Variants in CERS6 observed in about 807,000 individuals in gnomAD.
The protein encoded by CERS6 is LAG1 homolog, ceramide synthase 6.
Under a neutral mutation model 56.8 loss-of-function variants are expected in CERS6, and 26 were observed. That is an observed-to-expected ratio of 0.46 (90% CI 0.34 to 0.63). The LOEUF is 0.63. Among genes scored for constraint, CERS6 ranks in the 30% least tolerant of loss-of-function variants. The pLI is 0.01. For missense variants in CERS6, 415 were observed against 467.5 expected (o/e 0.89, Z 1.04); for synonymous variants, 164 against 173.3 (o/e 0.95, Z 0.42).
intron 4 of CERS6, among the ~76,000 whole-genome samples, chr2:168,645,815 T>C (rs1266782441): frequency 6.6e-6 from 1 of 152,168 alleles, no homozygotes; most frequent in Non-Finnish European, 1.5e-5. Context: ...TCTGTGTTAG[T>C]TTGCTAAAGA....
At chr2:168,567,526 G>A (rs1695904997) in intron 3 of CERS6, among the ~76,000 whole-genome samples, 1 of 152,172 alleles carries the variant, frequency 6.6e-6, no homozygotes, top group African/African-American at 2.4e-5. Context: ...ATTTTCATGT[G>A]TTGTAAAGTA....
chr2:168,506,250 T>C (rs1384768939), intron 1 of CERS6, among the ~76,000 whole-genome samples: 1 of 152,202 alleles, frequency 6.6e-6, no homozygotes, highest in Non-Finnish European at 1.5e-5. Context: ...TGACAGTTTT[T>C]TTTCAAATCA....
intron 1 of CERS6, among the ~76,000 whole-genome samples, chr2:168,487,468 G>C (rs534793058): frequency 1.8e-3 from 267 of 152,286 alleles, no homozygotes; most frequent in Middle Eastern, 0.017. Context: ...CATCTGTCAG[G>C]TATAACCCCC....
chr2:168,695,078 T>C (rs1361633462), intron 6 of CERS6, 27 bp downstream of exon 6: 1 of 1,574,064 alleles, frequency 6.4e-7, no homozygotes, highest in Non-Finnish European at 8.7e-7. Flanking sequence ...CGTAAAGTGC[T>C]TGCAAGCATG....
chr2:168,527,969 C>T (rs1434277701), intron 1 of CERS6, among the ~76,000 whole-genome samples: 2 of 152,018 alleles, frequency 1.3e-5, no homozygotes, highest in Non-Finnish European at 2.9e-5. Flanking sequence ...GATCTGCCCA[C>T]CTAGACCTTC....
At chr2:168,665,696 G>T (rs112754674) in intron 4 of CERS6, among the ~76,000 whole-genome samples, 1 of 147,158 alleles carries the variant, frequency 6.8e-6, no homozygotes, top group Non-Finnish European at 1.5e-5. Flanking sequence ...ATCTTTACAT[G>T]TTCACTGCTG....
chr2:168,526,882 A>G (rs1354003163), intron 1 of CERS6, among the ~76,000 whole-genome samples: 1 of 152,242 alleles, frequency 6.6e-6, no homozygotes, highest in Non-Finnish European at 1.5e-5. Context: ...AGCCTGTGCT[A>G]TAAAAAGCAA....
At chr2:168,678,147 C>CT in intron 4 of CERS6, among the ~76,000 whole-genome samples, 1 of 152,298 alleles carries the variant, frequency 6.6e-6, no homozygotes, top group Middle Eastern at 3.4e-3. Context: ...AGCACCATTG[C>CT]TTTTTTACCA....
chr2:168,656,559 C>T (rs199715239), intron 4 of CERS6, among the ~76,000 whole-genome samples: 5 of 151,468 alleles, frequency 3.3e-5, no homozygotes, highest in East Asian at 1.9e-4. Flanking sequence ...CTTAAGGTAG[C>T]GCGTCTGGAG....
chr2:168,606,332 A>G (rs553069865), intron 3 of CERS6: 1 of 152,342 alleles, frequency 6.6e-6, no homozygotes, highest in South Asian at 2.1e-4. Flanking sequence ...TATTTACCCA[A>G]TGCCTATACC....
chr2:168,537,558 T>C lies in CERS6; in HGVS notation c.171-10038T>C, dbSNP rs1252698779. On this transcript the variant is annotated intron_variant, in intron 1 of 9. Transcript: ENST00000305747. ...AGCCTGCTTTAAAAAAATCAATGTA[T>C]TATAGATTTTCATGTTTTGCATATT... is the stretch of plus-strand genomic sequence containing the variant. 2.6e-5 allele frequency among the ~76,000 whole-genome samples: 4 copies of C among 152,240 alleles called. No homozygotes were observed. The East Asian group carries it at 7.7e-4, about 29-fold the overall frequency.
intron 4 of CERS6, among the ~76,000 whole-genome samples, chr2:168,645,114 A>ATATATATAT (rs1559034012): frequency 5.8e-5 from 2 of 34,360 alleles, no homozygotes; most frequent in African/African-American, 1.0e-4. Context: ...AAAAAAAAAA[A>ATATATATAT]AAATATATAT....
chr2:168,546,954 T>C (rs756733675), intron 1 of CERS6, among the ~76,000 whole-genome samples: 1 of 152,170 alleles, frequency 6.6e-6, no homozygotes, highest in Admixed American at 6.5e-5. Flanking sequence ...AGGCATTGGC[T>C]TAGGATAAAA....
intron 2 of CERS6, 61 bp downstream of exon 2, chr2:168,547,762 A>T (rs1409071531): frequency 1.7e-6 from 2 of 1,159,236 alleles, no homozygotes; most frequent in African/African-American, 3.0e-5. Flanking sequence ...GCCTGCTGTC[A>T]TTCAATTTGT....
intron 4 of CERS6, among the ~76,000 whole-genome samples, chr2:168,677,858 A>T (rs1332968758): frequency 6.6e-6 from 1 of 152,200 alleles, no homozygotes; most frequent in East Asian, 1.9e-4. Flanking sequence ...AAAAAACCAA[A>T]CAACCCCATC....
chr2:168,604,738 G>A (rs1342712209), intron 3 of CERS6, among the ~76,000 whole-genome samples: 1 of 152,122 alleles, frequency 6.6e-6, no homozygotes, highest in Admixed American at 6.5e-5. Context: ...AGATGTGCCT[G>A]CTTCCCCTTT....
At chr2:168,488,910 G>A (rs1292401861) in intron 1 of CERS6, among the ~76,000 whole-genome samples, 1 of 152,104 alleles carries the variant, frequency 6.6e-6, no homozygotes, top group Non-Finnish European at 1.5e-5. Context: ...AACCCCACCA[G>A]TGTTACACAT....
At chr2:168,649,433 G>T (rs767578348) in intron 4 of CERS6, among the ~76,000 whole-genome samples, 1 of 152,038 alleles carries the variant, frequency 6.6e-6, no homozygotes, top group Admixed American at 6.6e-5. Context: ...ATTGTATTAC[G>T]TCTTAATGTG....
At chr2:168,516,649 A>C (rs890095883) in intron 1 of CERS6, among the ~76,000 whole-genome samples, 1 of 152,244 alleles carries the variant, frequency 6.6e-6, no homozygotes, top group Non-Finnish European at 1.5e-5. Flanking sequence ...CGGAGCGGCT[A>C]GCCCAGAGCT....
Sources: allele counts gnomAD v4.1 joint callset (sites outside exome capture counted in the v4.1 genomes callset), GRCh38; gene constraint gnomAD v4.1.1; transcripts MANE v1.5; gene names NCBI Gene and HGNC (gene_info 2026-07-23, HGNC 2026-07-21).